Variants in SULT2B1 observed in about 807,000 individuals in gnomAD.
SULT2B1 encodes sulfotransferase 2B1.
In SULT2B1, 16 loss-of-function variants were observed where a neutral mutation model predicts 33.2. The ratio of observed to expected loss-of-function variants is 0.48; its 90% confidence interval spans 0.33 to 0.73. SULT2B1 has a LOEUF of 0.73. SULT2B1 is among the 30% of genes least tolerant of loss of function. SULT2B1 has a pLI of 0.02. For missense variants in SULT2B1, 500 were observed against 506.0 expected, an observed-to-expected ratio of 0.99 and a Z score of 0.11; for synonymous variants, 186 against 200.5, an observed-to-expected ratio of 0.93 and a Z score of 0.61.
chr19:48,598,245 C>T (rs1052517560), intron 6 of SULT2B1, among the ~76,000 whole-genome samples: 1 of 152,076 alleles, frequency 6.6e-6, no homozygotes, highest in Non-Finnish European at 1.5e-5. Flanking sequence ...ATGCCATGAG[C>T]CCCAGGTTTC....
At chr19:48,561,591 C>T (rs907079352) in intron 1 of SULT2B1, among the ~76,000 whole-genome samples, 13 of 151,856 alleles carry the variant, frequency 8.6e-5, no homozygotes, top group African/African-American at 2.9e-4. Context: ...GTGCAGGGTG[C>T]GGTTCCACGG....
chr19:48,557,748 C>A (rs1973119573), intron 1 of SULT2B1, among the ~76,000 whole-genome samples: 1 of 151,576 alleles, frequency 6.6e-6, no homozygotes, highest in Non-Finnish European at 1.5e-5. Context: ...GAAACCCCGT[C>A]TCTACTAAAA....
At chr19:48,576,506 T>C (rs2147612346) in intron 2 of SULT2B1, among the ~76,000 whole-genome samples, 1 of 149,846 alleles carries the variant, frequency 6.7e-6, no homozygotes, top group East Asian at 2.0e-4. Flanking sequence ...CATTTTTATT[T>C]TTATTTTTCG....
At position 48,582,227 on chromosome 19, in the gene SULT2B1, T is replaced by C. The variant is rs181836561; in HGVS notation, c.215-5002T>C. 9.7e-4 allele frequency among the ~76,000 whole-genome samples: 147 copies of C among 152,278 alleles called. 1 individual carries two copies. In the South Asian group the frequency reaches 0.012, roughly 12 times the overall value. On this transcript the variant is annotated intron_variant, in intron 2 of 6. Coordinates refer to ENST00000201586, the MANE Select transcript of SULT2B1 (RefSeq NM_177973.2). ...GCCTTGATTTTGCTTATGTTTTTCT[T>C]TCTCCTTATACCTTGACATTGTCCC...
chr19:48,582,245 A>G (rs1184588920), intron 2 of SULT2B1, among the ~76,000 whole-genome samples: 1 of 152,168 alleles, frequency 6.6e-6, no homozygotes, highest in East Asian at 1.9e-4. Flanking sequence ...ATACCTTGAC[A>G]TTGTCCCATC....
chr19:48,580,164 T>C (rs1167401461), intron 2 of SULT2B1, among the ~76,000 whole-genome samples: 4 of 150,776 alleles, frequency 2.7e-5, no homozygotes, highest in African/African-American at 9.8e-5. Context: ...ACTCCCGAGC[T>C]CAAGCAATTC....
At chr19:48,555,571 TC>T (rs1973088482) in intron 1 of SULT2B1, among the ~76,000 whole-genome samples, 1 of 150,568 alleles carries the variant, frequency 6.6e-6, no homozygotes, top group East Asian at 2.0e-4. Context: ...TCTCTCTCTC[TC>T]TCTCTCTCTC....
chr19:48,554,464 C>G (rs1973069081), intron 1 of SULT2B1, among the ~76,000 whole-genome samples: 1 of 142,572 alleles, frequency 7.0e-6, no homozygotes, highest in East Asian at 2.1e-4. Flanking sequence ...ACTCTCTGCC[C>G]TGGTTCTTCC....
At chr19:48,558,930 C>T (rs1269716482) in intron 1 of SULT2B1, among the ~76,000 whole-genome samples, 5 of 152,080 alleles carry the variant, frequency 3.3e-5, no homozygotes, top group African/African-American at 9.7e-5. Context: ...GGATGATCCA[C>T]CCGCCTCGTC....
intron 1 of SULT2B1, among the ~76,000 whole-genome samples, chr19:48,557,903 GA>G (rs1242057980): frequency 2.6e-5 from 4 of 152,102 alleles, no homozygotes; most frequent in African/African-American, 9.7e-5. Flanking sequence ...TGGGCAACAA[GA>G]GTGAAACTCT....
At chr19:48,554,516 C>G (rs1002204297) in intron 1 of SULT2B1, among the ~76,000 whole-genome samples, 1 of 148,934 alleles carries the variant, frequency 6.7e-6, no homozygotes, top group East Asian at 2.0e-4. Context: ...CTCATCTCCC[C>G]CCAACCTCAC....
At chr19:48,597,111 C>T (rs924131600) in intron 6 of SULT2B1, among the ~76,000 whole-genome samples, 192 bp downstream of exon 6, 3 of 152,096 alleles carry the variant, frequency 2.0e-5, no homozygotes, top group African/African-American at 4.8e-5. Context: ...CCACCCGAGG[C>T]GTCCCCATCC....
intron 1 of SULT2B1, among the ~76,000 whole-genome samples, chr19:48,559,978 T>A (rs1365339153): frequency 2.8e-5 from 4 of 145,410 alleles, no homozygotes; most frequent in Admixed American, 1.4e-4. Context: ...AAAAAAAAAA[T>A]TAAAAAGAAA....
chr19:48,582,770 G>A (rs918889622), intron 2 of SULT2B1, among the ~76,000 whole-genome samples: 1 of 151,986 alleles, frequency 6.6e-6, no homozygotes, highest in Admixed American at 6.6e-5. Flanking sequence ...TTGAACTGGG[G>A]AGGCAGAGGT....
intron 5 of SULT2B1, among the ~76,000 whole-genome samples, chr19:48,593,949 C>G (rs959274434): frequency 7.9e-5 from 12 of 151,778 alleles, no homozygotes; most frequent in Non-Finnish European, 1.0e-4. Context: ...GCCCCGCCAA[C>G]TAGTTTTTAT....
intron 3 of SULT2B1, chr19:48,591,044 G>T (rs528555216): frequency 1.3e-5 from 2 of 152,352 alleles, no homozygotes; most frequent in Admixed American, 1.3e-4. Flanking sequence ...TGTTGTCCAG[G>T]CTGGTCTCAA....
At chr19:48,581,086 G>T (rs1175688369) in intron 2 of SULT2B1, among the ~76,000 whole-genome samples, 2 of 127,154 alleles carry the variant, frequency 1.6e-5, no homozygotes, top group African/African-American at 3.0e-5. Flanking sequence ...TCCCAGGCTG[G>T]AGTGCAATGG....
intron 1 of SULT2B1, among the ~76,000 whole-genome samples, chr19:48,572,007 G>T (rs892873461): frequency 4.6e-5 from 7 of 152,162 alleles, no homozygotes; most frequent in African/African-American, 1.7e-4. Flanking sequence ...GCATGAAGTG[G>T]TCCTTTCACT....
intron 2 of SULT2B1, among the ~76,000 whole-genome samples, chr19:48,576,493 G>C (rs1405638121): frequency 6.8e-6 from 1 of 147,964 alleles, no homozygotes; most frequent in Non-Finnish European, 1.5e-5. Flanking sequence ...CACCACACCT[G>C]ACCATTTTTA....
Sources: gnomAD v4.1 joint callset for allele counts (sites outside exome capture counted in the v4.1 genomes callset) on GRCh38, gnomAD v4.1.1 for gene constraint, MANE v1.5 for transcripts, NCBI Gene and HGNC (gene_info 2026-07-23, HGNC 2026-07-21) for gene names.